The following NAV1 variants were observed in gnomAD, a reference collection of about 807,000 sequenced individuals.
NAV1 encodes neuron navigator 1.
In NAV1, 18 loss-of-function variants were observed where a neutral mutation model predicts 175.2. The ratio of observed to expected loss-of-function variants is 0.10; its 90% CI spans 0.07 to 0.15. The LOEUF is 0.15. Among genes scored for constraint, NAV1 ranks in the 10% least tolerant of loss-of-function variants. NAV1 has a pLI of 1.00. For missense variants in NAV1, 1,731 were observed against 2,436.6 expected, an observed-to-expected ratio of 0.71 and a Z score of 6.10; for synonymous variants, 897 against 978.7, an observed-to-expected ratio of 0.92 and a Z score of 1.56.
At chr1:201,687,326 C>T (rs1317562574) in intron 1 of NAV1, among the ~76,000 whole-genome samples, 2 of 152,122 alleles carry the variant, frequency 1.3e-5, no homozygotes, top group Non-Finnish European at 2.9e-5. Context: ...ACCAAGGATA[C>T]ATCTATTGTG....
At chr1:201,662,039 G>A (rs183379467) in intron 1 of NAV1, among the ~76,000 whole-genome samples, 194 of 152,346 alleles carry the variant, frequency 1.3e-3, no homozygotes, top group African/African-American at 4.4e-3. Context: ...ACACAGCCAC[G>A]AAGTGGAGTC....
At chr1:201,775,647 T>C (rs1675893350) in intron 3 of NAV1, among the ~76,000 whole-genome samples, 1 of 152,198 alleles carries the variant, frequency 6.6e-6, no homozygotes, top group African/African-American at 2.4e-5. Context: ...ATTGGAAACC[T>C]GCCCCTCCAA....
At chr1:201,546,282 G>A (rs557679996) in intron 1 of NAV1, among the ~76,000 whole-genome samples, 7 of 152,262 alleles carry the variant, frequency 4.6e-5, no homozygotes, top group Admixed American at 2.0e-4. Context: ...GCTCTTCATC[G>A]CCCTCTGGGT....
chr1:201,686,961 G>C (rs1382490952), intron 1 of NAV1, among the ~76,000 whole-genome samples: 1 of 152,200 alleles, frequency 6.6e-6, no homozygotes, highest in Non-Finnish European at 1.5e-5. Context: ...TGGTGTGAAA[G>C]GTATTTTGCA....
rs749551358 is a variant in NAV1 at position 201,785,361 on chromosome 1, T to G, written c.2846+10T>G. On this transcript the variant is annotated intron_variant, in intron 8 of 29. Transcript: ENST00000367296. ...CCAAGAAAGGGCTCAGGTAACCCTTTAATGTGTTTTTTCTTCCCTATAAAT... is the reference window on the plus strand; with the variant it reads ...CCAAGAAAGGGCTCAGGTAACCCTTGAATGTGTTTTTTCTTCCCTATAAAT... 1.2e-6 allele frequency: 2 copies of G among 1,612,936 alleles called. No individual in the cohort carries two copies. Among genetic ancestry groups the G allele is most frequent in the Non-Finnish European group, 1.7e-6 (2 of 1,179,582 alleles).
chr1:201,716,751 T>C (rs1441453223), intron 2 of NAV1, among the ~76,000 whole-genome samples: 1 of 152,214 alleles, frequency 6.6e-6, no homozygotes, highest in Admixed American at 6.5e-5. Context: ...TGCTCATGTG[T>C]GCCTGTCGTC....
rs114972092 is a variant in NAV1 at position 201,631,184 on chromosome 1, G to T, written c.4+1677G>T. 7.4e-3 allele frequency among the ~76,000 whole-genome samples: 1,131 copies of T among 152,324 alleles called. 17 individuals carry two copies. The highest frequency in any genetic ancestry group is 0.026 in the African/African-American group (1,069 of 41,564). The stretch of plus-strand genomic sequence containing the variant: ...GAGCAGGGTTCACTGCACTGCCTCT[G>T]CTCTGGTGCTAGCTAGTTGTCATGG... On this transcript the variant is annotated intron_variant, in intron 2 of 29. Transcript: ENST00000367302.
chr1:201,770,113 G>A (rs1401312673), intron 3 of NAV1, among the ~76,000 whole-genome samples: 3 of 152,206 alleles, frequency 2.0e-5, no homozygotes, highest in African/African-American at 7.2e-5. Context: ...GGCCTAAAAT[G>A]TGGGGAGCAG....
At position 201,812,747 on chromosome 1, in the gene NAV1, T is replaced by A; in HGVS notation, c.5221+86T>A. On this transcript the variant is annotated intron_variant, in intron 27 of 29. Transcript: ENST00000367296. The surrounding 1 kb of genome is among the most constrained non-coding windows in gnomAD (Gnocchi z 4.6). ...CTGGAGGGATGCTCCCTTCTCTTCC[T>A]GGAGTCTTCGGCATGTAAAGGAGCT... 1 of 1,266,374 alleles carries A rather than the reference T, an allele frequency of 7.9e-7. No homozygotes were observed. The highest frequency in any genetic ancestry group is 1.1e-6 in the Non-Finnish European group (1 of 888,682). 78.4% of individuals were successfully genotyped at this position (1,266,374 alleles called of 1,614,324 possible).
chr1:201,782,150 T>G lies in NAV1; in HGVS notation c.1664-26T>G. ...TTAAGATACTGGTCAGTTTCAGCTC[T>G]TTTCTCATTTCCCGTCCTCTTGCAG... On this transcript the variant is annotated intron_variant, in intron 5 of 29. Coordinates refer to ENST00000367296, the Ensembl canonical transcript of NAV1. The surrounding 1 kb of genome is among the most constrained non-coding windows in gnomAD (Gnocchi z 5.4). 3 of 1,546,730 alleles carry G rather than the reference T, an allele frequency of 1.9e-6. No homozygotes were observed. Among genetic ancestry groups the G allele is most frequent in the Non-Finnish European group, 2.6e-6 (3 of 1,148,998 alleles).
At position 201,803,573 on chromosome 1, in the gene NAV1, C is replaced by G. The variant is rs1413865679; in HGVS notation, c.3518-20C>G. 1 of 1,608,816 alleles carries G rather than the reference C, an allele frequency of 6.2e-7. No individual in the cohort carries two copies. Among genetic ancestry groups the G allele is most frequent in the Non-Finnish European group, 8.5e-7 (1 of 1,177,942 alleles). Reference sequence around the variant, plus strand: ...TCTCTAAATCTGTTCTATGTTTTTCCCACTTGTACTTGGCCCTAGAACTTC... The same window carrying G: ...TCTCTAAATCTGTTCTATGTTTTTCGCACTTGTACTTGGCCCTAGAACTTC... On this transcript the variant is annotated intron_variant, in intron 15 of 29. Coordinates refer to ENST00000367296, the Ensembl canonical transcript of NAV1.
Position 201,807,726 on chromosome 1 carries a change from G to A in NAV1, c.3649-227G>A, listed in dbSNP as rs1678390454. Reference sequence around the variant, plus strand: ...TCTCACTCTGTTGCCAGGCTGGAGTGCAGTGGCTCGATCTCAGCTCACTGC... The same window carrying A: ...TCTCACTCTGTTGCCAGGCTGGAGTACAGTGGCTCGATCTCAGCTCACTGC... On this transcript the variant is annotated intron_variant, in intron 17 of 29. Transcript: ENST00000367296. The surrounding 1 kb of genome is among the most constrained non-coding windows in gnomAD (Gnocchi z 5.4). 6.6e-6 allele frequency among the ~76,000 whole-genome samples: 1 copy of A among 152,146 alleles called. No individual in the cohort carries two copies. Among genetic ancestry groups the A allele is most frequent in the African/African-American group, 2.4e-5 (1 of 41,434 alleles).
intron 3 of NAV1, among the ~76,000 whole-genome samples, chr1:201,721,037 C>T (rs1001367762): frequency 1.3e-5 from 2 of 152,080 alleles, no homozygotes; most frequent in Non-Finnish European, 2.9e-5. Flanking sequence ...ATCCTCCTTC[C>T]TCTGGACAGG....
At chr1:201,627,027 AC>A (rs1271883273) in intron 1 of NAV1, among the ~76,000 whole-genome samples, 2 of 152,182 alleles carry the variant, frequency 1.3e-5, no homozygotes, top group Admixed American at 6.5e-5. Flanking sequence ...ATGTAACCTC[AC>A]CCACTCTTGC....
Position 201,809,606 on chromosome 1 carries a change from A to G in NAV1, c.4401+69A>G, listed in dbSNP as rs951957868. ...GGAATATATATACTTTTTTAGAGACAGGGTCTCACTCTTGCCACCCAGGCT... is the reference window on the plus strand; with the variant it reads ...GGAATATATATACTTTTTTAGAGACGGGGTCTCACTCTTGCCACCCAGGCT... On this transcript the variant is annotated intron_variant, in intron 22 of 29. Transcript: ENST00000367296. 42 of 1,453,186 alleles carry G rather than the reference A, an allele frequency of 2.9e-5. 1 individual carries two copies. In the Admixed American group the frequency reaches 7.6e-4, roughly 26 times the overall value. 90.0% of individuals were successfully genotyped at this position (1,453,186 alleles called of 1,614,324 possible).
At chr1:201,712,037 C>T (rs564468864) in intron 1 of NAV1, among the ~76,000 whole-genome samples, 1 of 152,176 alleles carries the variant, frequency 6.6e-6, no homozygotes, top group African/African-American at 2.4e-5. Flanking sequence ...TGGGCCACAC[C>T]CATGCATCCT....
chr1:201,603,869 C>G (rs1479527555), intron 2 of NAV1, among the ~76,000 whole-genome samples: 4 of 152,200 alleles, frequency 2.6e-5, no homozygotes, highest in Non-Finnish European at 5.9e-5. Flanking sequence ...CTTTCCATTT[C>G]ATCGCATAGC....
intron 2 of NAV1, among the ~76,000 whole-genome samples, chr1:201,596,039 G>A (rs953906846): frequency 3.9e-5 from 6 of 152,208 alleles, no homozygotes; most frequent in Non-Finnish European, 5.9e-5. Context: ...GCGACCCCAC[G>A]TCTTGATTGT....
At chr1:201,798,080 C>G (rs1448046675) in intron 15 of NAV1, 1 of 152,214 alleles carries the variant, frequency 6.6e-6, no homozygotes, top group Admixed American at 6.5e-5. Context: ...GTTTGCGTAT[C>G]TCAGGTATTA....
Sources: gnomAD v4.1 joint callset for allele counts (sites outside exome capture counted in the v4.1 genomes callset) on GRCh38, gnomAD v4.1.1 for gene constraint, Gnocchi (gnomAD v3.1) non-coding constraint, MANE v1.5 for transcripts, NCBI Gene and HGNC (gene_info 2026-07-23, HGNC 2026-07-21) for gene names.